Variants in MAP2 observed in about 807,000 individuals in gnomAD.
The protein encoded by MAP2 is microtubule-associated protein 2.
A neutral mutation model predicts 137.6 loss-of-function variants in MAP2; 14 were observed. The observed-to-expected ratio is 0.10, with a 90% confidence interval of 0.07 to 0.16. The LOEUF (loss-of-function observed/expected upper bound fraction) is 0.16, where lower values mean the gene tolerates loss of function less well. MAP2 is among the 10% of genes least tolerant of loss of function. The probability of loss-of-function intolerance (pLI) is 1.00; values close to 1 mark genes in which losing one functional copy is unlikely to be tolerated. For missense variants in MAP2, 2,088 were observed against 2,191.5 expected (o/e 0.95, Z 0.94); for synonymous variants, 786 against 782.3 (o/e 1.00, Z -0.08).
chr2:209,578,688 C>G (rs183230968), intron 2 of MAP2, among the ~76,000 whole-genome samples: 1 of 152,156 alleles, frequency 6.6e-6, no homozygotes, highest in Non-Finnish European at 1.5e-5. Context: ...GAAATAAATG[C>G]AGGAAATTAT....
chr2:209,481,727 G>A (rs1280448233), intron 1 of MAP2, among the ~76,000 whole-genome samples: 2 of 152,196 alleles, frequency 1.3e-5, no homozygotes, highest in African/African-American at 4.8e-5. Flanking sequence ...TATGAAGCCA[G>A]CTTGTCTTTA....
chr2:209,636,504 A>G (rs908032693), intron 4 of MAP2, among the ~76,000 whole-genome samples: 3 of 151,762 alleles, frequency 2.0e-5, no homozygotes, highest in African/African-American at 7.3e-5. Context: ...AGAGAACTTT[A>G]TTTTAAAAGC....
intron 1 of MAP2, among the ~76,000 whole-genome samples, chr2:209,502,328 T>A (rs1056592816): frequency 2.6e-5 from 4 of 152,184 alleles, no homozygotes; most frequent in Admixed American, 2.6e-4. Flanking sequence ...TCCACATAAG[T>A]GAGATTATGC....
At chr2:209,490,997 A>G (rs2059042558) in intron 1 of MAP2, among the ~76,000 whole-genome samples, 1 of 152,212 alleles carries the variant, frequency 6.6e-6, no homozygotes, top group South Asian at 2.1e-4. Context: ...CTGAATATAC[A>G]TTCTTCTCAG....
chr2:209,643,147 T>C (rs2094158080), intron 4 of MAP2, among the ~76,000 whole-genome samples: 1 of 152,206 alleles, frequency 6.6e-6, no homozygotes, highest in Admixed American at 6.5e-5. Context: ...TCTAGAACTG[T>C]CTGTGCCGAA....
chr2:209,615,537 T>C (rs2088936341), intron 3 of MAP2, among the ~76,000 whole-genome samples: 1 of 152,218 alleles, frequency 6.6e-6, no homozygotes, highest in African/African-American at 2.4e-5. Flanking sequence ...CACTTTGCAA[T>C]TTTCCACAAT....
rs546820154 is a variant in MAP2, at chr2:209,605,975, G to C, written c.-106-19078G>C. Among the ~76,000 whole-genome samples the C allele has an allele frequency of 5.3e-5, 8 of 152,186 alleles. No homozygotes were observed. In the South Asian group the frequency reaches 1.5e-3, roughly 28 times the overall value. On this transcript the variant is annotated intron_variant, in intron 3 of 15. Coordinates refer to ENST00000682079, the MANE Select transcript of MAP2 (RefSeq NM_001375505.1). ...GAAAGACCTTGACCTTTTGAGAAAGGGTAAAGTTAGTGTTAACCGCTGGAT... is the reference window on the plus strand; with the variant it reads ...GAAAGACCTTGACCTTTTGAGAAAGCGTAAAGTTAGTGTTAACCGCTGGAT...
At chr2:209,570,192 A>G (rs929531492) in intron 2 of MAP2, among the ~76,000 whole-genome samples, 2 of 151,882 alleles carry the variant, frequency 1.3e-5, no homozygotes, top group Non-Finnish European at 3.0e-5. Flanking sequence ...TCCTGGAAAA[A>G]TAGAAAATTC....
chr2:209,694,723 T>G lies in MAP2; in HGVS notation c.2553T>G (p.Thr851=). 1.2e-6 allele frequency: 2 copies of G among 1,614,144 alleles called. No homozygotes were observed. The highest frequency in any genetic ancestry group is 1.7e-6 in the Non-Finnish European group (2 of 1,180,028). The change falls in exon 8 of 16, where the codon ACT becomes ACG. Residue 851 remains threonine, a synonymous_variant. Coordinates refer to ENST00000682079, the MANE Select transcript of MAP2 (RefSeq NM_001375505.1). ...EDSRTGLPPV[T]DENHVIVKTD... is the part of the protein sequence containing the mutation. ...GTCGTACTGGCTTGCCCCCGGTAAC[T>G]GATGAAAACCATGTCATTGTAAAAA...
At chr2:209,559,559 A>G (rs112498113) in intron 2 of MAP2, among the ~76,000 whole-genome samples, 2,898 of 151,360 alleles carry the variant, frequency 0.019, 91 homozygotes, top group African/African-American at 0.067. Context: ...GCTGAGGCAG[A>G]AGAATCGCTT....
chr2:209,646,488 C>T (rs1195131028), intron 4 of MAP2, among the ~76,000 whole-genome samples: 2 of 152,044 alleles, frequency 1.3e-5, no homozygotes, highest in African/African-American at 4.8e-5. Context: ...AATCTTAGGC[C>T]TGGAAAATGC....
chr2:209,484,056 T>C (rs2058058339), intron 1 of MAP2, among the ~76,000 whole-genome samples: 1 of 152,176 alleles, frequency 6.6e-6, no homozygotes. Flanking sequence ...TTCTTAAATT[T>C]CCTTAAGCTT....
Position 209,727,105 on chromosome 2 carries a change from A to G in MAP2, c.5155+1315A>G, listed in dbSNP as rs939640113. Among the ~76,000 whole-genome samples the G allele has an allele frequency of 2.0e-5, 3 of 152,366 alleles. No individual in the cohort carries two copies. The East Asian group carries it at 5.8e-4, about 29-fold the overall frequency. ...CTGGAAATCAGGATTCATTTTGTCA[A>G]TGAGTATTCATTATAAAGCAAGTCA... On this transcript the variant is annotated intron_variant, in intron 14 of 15. Coordinates refer to ENST00000682079, the MANE Select transcript of MAP2 (RefSeq NM_001375505.1).
chr2:209,431,440 A>G (rs1224792336), intron 1 of MAP2, among the ~76,000 whole-genome samples: 2 of 152,306 alleles, frequency 1.3e-5, no homozygotes. Flanking sequence ...AGTTACAAAT[A>G]CATTCTTTAT....
intron 3 of MAP2, among the ~76,000 whole-genome samples, chr2:209,615,069 C>T (rs756270741): frequency 1.6e-4 from 25 of 152,258 alleles, no homozygotes; most frequent in African/African-American, 5.5e-4. Context: ...AAATTATCCA[C>T]GATCAGGAAT....
chr2:209,553,168 C>T lies in MAP2; in HGVS notation c.-171-26868C>T, dbSNP rs189414999. Among the ~76,000 whole-genome samples, 706 of 151,934 alleles carry T rather than the reference C, an allele frequency of 4.6e-3. 9 individuals are homozygous for T. The highest frequency in any genetic ancestry group is 0.016 in the African/African-American group (659 of 41,464). On this transcript the variant is annotated intron_variant, in intron 2 of 15. Coordinates refer to ENST00000682079, the MANE Select transcript of MAP2 (RefSeq NM_001375505.1). ...CTCGGACTACAGGCACCCACCACCACGCCCGGCTAATTTTTTGTATATTTA... is the reference window on the plus strand; with the variant it reads ...CTCGGACTACAGGCACCCACCACCATGCCCGGCTAATTTTTTGTATATTTA...
intron 4 of MAP2, among the ~76,000 whole-genome samples, chr2:209,625,422 G>T (rs2092117361): frequency 6.6e-6 from 1 of 152,122 alleles, no homozygotes; most frequent in African/African-American, 2.4e-5. Flanking sequence ...AATGCCAACG[G>T]TATTTCTTCA....
chr2:209,608,102 T>C (rs765853976), intron 3 of MAP2, among the ~76,000 whole-genome samples: 1 of 152,194 alleles, frequency 6.6e-6, no homozygotes, highest in Non-Finnish European at 1.5e-5. Context: ...ACAGTAATGA[T>C]GCAGTAGAAA....
At chr2:209,426,024 G>A (rs1692475428) in intron 1 of MAP2, among the ~76,000 whole-genome samples, 1 of 152,084 alleles carries the variant, frequency 6.6e-6, no homozygotes, top group African/African-American at 2.4e-5. Flanking sequence ...CATTCAGTAA[G>A]GATTATTATA....
Sources: gnomAD v4.1 joint callset for allele counts (sites outside exome capture counted in the v4.1 genomes callset) on GRCh38, gnomAD v4.1.1 for gene constraint, MANE v1.5 for transcripts, NCBI Gene and HGNC (gene_info 2026-07-23, HGNC 2026-07-21) for gene names.